The following PRKN variants were observed in gnomAD, a reference collection of about 807,000 sequenced individuals.
PRKN encodes parkin RBR E3 ubiquitin protein ligase, also known as E3 ubiquitin-protein ligase parkin.
A neutral mutation model predicts 59.5 loss-of-function variants in PRKN; 56 were observed. The observed-to-expected ratio is 0.94, with a 90% CI of 0.76 to 1.18. The LOEUF (loss-of-function observed/expected upper bound fraction) is 1.18, where lower values mean the gene tolerates loss of function less well. PRKN is among the 50% of genes most tolerant of loss of function. PRKN has a pLI of 0.00. For missense variants in PRKN, 657 were observed against 596.4 expected (o/e 1.10, Z -1.06); for synonymous variants, 250 against 222.1 (o/e 1.13, Z -1.12).
Position 161,581,041 on chromosome 6 carries a change from A to AACACACACACACACACACAC in PRKN, c.872-11645_872-11626dup, listed in dbSNP as rs71004055. On this transcript the variant is annotated intron_variant, in intron 7 of 11. Transcript: ENST00000366898. The surrounding 1 kb of genome is among the most constrained non-coding windows in gnomAD (Gnocchi z 4.5). The stretch of plus-strand genomic sequence containing the variant: ...ACACAGTGAAATCCTGTCTCTACTA[A>AACACACACACACACACACAC]ACACACACACACACACACACACACA... Among the ~76,000 whole-genome samples the AACACACACACACACACACAC allele has an allele frequency of 1.5e-4, 21 of 137,536 alleles. No homozygotes were observed. The highest frequency in any genetic ancestry group is 5.0e-4 in the African/African-American group (18 of 35,872). 90.2% of individuals were successfully genotyped at this position (137,536 alleles called of 152,430 possible).
intron 1 of PRKN, among the ~76,000 whole-genome samples, chr6:162,537,827 T>A (rs1428078172): frequency 6.6e-6 from 1 of 152,166 alleles, no homozygotes; most frequent in Non-Finnish European, 1.5e-5. Context: ...TATGTGTATG[T>A]GGGATGCTTT....
chr6:161,617,506 C>T (rs373237513), intron 7 of PRKN, among the ~76,000 whole-genome samples: 46 of 152,316 alleles, frequency 3.0e-4, no homozygotes, highest in African/African-American at 5.8e-4. Context: ...TTTCGCTATA[C>T]CTTTAAAACA....
At chr6:161,912,395 C>T (rs2128237269) in intron 6 of PRKN, among the ~76,000 whole-genome samples, 1 of 152,094 alleles carries the variant, frequency 6.6e-6, no homozygotes, top group African/African-American at 2.4e-5. Context: ...CCATTCTTGG[C>T]AAAAGGCATG....
intron 3 of PRKN, among the ~76,000 whole-genome samples, chr6:162,221,703 G>T (rs926760877): frequency 6.6e-6 from 1 of 152,198 alleles, no homozygotes; most frequent in African/African-American, 2.4e-5. Flanking sequence ...GAAGCTTACA[G>T]TAGAATACTA....
At chr6:161,652,313 A>G (rs1296398646) in intron 7 of PRKN, among the ~76,000 whole-genome samples, 1 of 152,146 alleles carries the variant, frequency 6.6e-6, no homozygotes, top group East Asian at 1.9e-4. Flanking sequence ...AATGCAAGTC[A>G]AGGTATGGCA....
intron 5 of PRKN, among the ~76,000 whole-genome samples, chr6:162,040,214 G>C (rs778842173): frequency 1.3e-5 from 2 of 152,064 alleles, no homozygotes; most frequent in Non-Finnish European, 2.9e-5. Flanking sequence ...GCACAGAAGC[G>C]GTAGGAAACC....
intron 4 of PRKN, among the ~76,000 whole-genome samples, chr6:162,141,895 G>T (rs1253812156): frequency 1.3e-5 from 2 of 152,112 alleles, no homozygotes; most frequent in African/African-American, 2.4e-5. Context: ...GATTATTTGT[G>T]TGTTATCTGT....
At chr6:162,497,305 T>C (rs571284749) in intron 1 of PRKN, among the ~76,000 whole-genome samples, 2 of 152,316 alleles carry the variant, frequency 1.3e-5, no homozygotes, top group South Asian at 4.1e-4. Context: ...AAAGAAATTA[T>C]TTTAAGTAAC....
chr6:162,427,370 T>C (rs569389756), intron 2 of PRKN, among the ~76,000 whole-genome samples: 96 of 152,306 alleles, frequency 6.3e-4, no homozygotes, highest in Non-Finnish European at 1.1e-3. Context: ...ATAAGAATGT[T>C]CAGTGCAGCA....
At position 161,444,013 on chromosome 6, in the gene PRKN, G is replaced by A. The variant is rs193166448; in HGVS notation, c.1084-57136C>T. Among the ~76,000 whole-genome samples the A allele has an allele frequency of 1.2e-4, 18 of 152,344 alleles. No individual in the cohort carries two copies. The East Asian group carries it at 3.1e-3, about 26-fold the overall frequency. On this transcript the variant is annotated intron_variant, in intron 9 of 11. Transcript: ENST00000366898. The surrounding 1 kb of genome is among the most constrained non-coding windows in gnomAD (Gnocchi z 5.6). ...ACATGAAATTCGATTCAGTGTGCAC[G>A]AACTAACTAGGAGGCGCCAGGCTTA...
rs960677988 is a variant in PRKN at position 161,578,138 on chromosome 6, A to C, written c.872-8722T>G. On this transcript the variant is annotated intron_variant, in intron 7 of 11. Coordinates refer to ENST00000366898, the MANE Select transcript of PRKN (RefSeq NM_004562.3). This position sits in a 1 kb window ranked among gnomAD's most constrained non-coding sequence, Gnocchi z 4.2. ...AGCAGAGAGCAACCAAAGAGGTATA[A>C]AAAAAGAAAAAGAGGAGGTGGCTTG... 2.6e-5 allele frequency among the ~76,000 whole-genome samples: 4 copies of C among 152,110 alleles called. No individual in the cohort carries two copies. Among genetic ancestry groups the C allele is most frequent in the Non-Finnish European group, 5.9e-5 (4 of 68,024 alleles).
rs1781458373 is a variant in PRKN at position 161,584,604 on chromosome 6, G to C, written c.872-15188C>G. On this transcript the variant is annotated intron_variant, in intron 7 of 11. Coordinates refer to ENST00000366898, the MANE Select transcript of PRKN (RefSeq NM_004562.3). This position sits in a 1 kb window ranked among gnomAD's most constrained non-coding sequence, Gnocchi z 4.8. ...AGGATTTCCTGGTTTTATTGTAAGA[G>C]AGTAGCTGTTGTCCCTCCAATAAAA... 6.6e-6 allele frequency among the ~76,000 whole-genome samples: 1 copy of C among 152,136 alleles called. No homozygotes were observed. Among genetic ancestry groups the C allele is most frequent in the Admixed American group, 6.6e-5 (1 of 15,266 alleles).
intron 5 of PRKN, among the ~76,000 whole-genome samples, chr6:162,038,215 C>A (rs1443815884): frequency 6.6e-6 from 1 of 151,840 alleles, no homozygotes; most frequent in African/African-American, 2.4e-5. Context: ...CAGTTTGGTA[C>A]AAAGTTATTG....
chr6:162,479,486 C>T (rs1792187783), intron 1 of PRKN, among the ~76,000 whole-genome samples: 1 of 152,150 alleles, frequency 6.6e-6, no homozygotes, highest in Admixed American at 6.5e-5. Flanking sequence ...ACCTAAGCCT[C>T]CCAAACTGCT....
At chr6:161,436,474 C>T (rs1378040057) in intron 9 of PRKN, among the ~76,000 whole-genome samples, 2 of 149,926 alleles carry the variant, frequency 1.3e-5, no homozygotes, top group Admixed American at 6.6e-5. Context: ...GGGGGGTGGG[C>T]GGAGAGTGCA....
chr6:161,364,322 G>A (rs1262932171), intron 10 of PRKN, among the ~76,000 whole-genome samples: 3 of 151,268 alleles, frequency 2.0e-5, no homozygotes, highest in Admixed American at 6.6e-5. Context: ...AGCTGGGCGC[G>A]GTGGTGGGTG....
intron 9 of PRKN, among the ~76,000 whole-genome samples, chr6:161,482,357 G>C (rs1428687705): frequency 1.3e-5 from 2 of 152,292 alleles, no homozygotes; most frequent in South Asian, 2.1e-4. Context: ...GTTAGGTTCT[G>C]TTAGGATCAA....
chr6:162,528,843 A>G lies in PRKN; in HGVS notation c.8-85370T>C, dbSNP rs73037980. Among the ~76,000 whole-genome samples, 722 of 152,126 alleles carry G rather than the reference A, an allele frequency of 4.7e-3. 4 individuals are homozygous for G. Among genetic ancestry groups the G allele is most frequent in the Middle Eastern group, 0.017 (5 of 294 alleles). ...AAAACAAAACAAAAACCTAGAAGAGAGTAACAGCACCATACTCAGCTTTCT... is the reference window on the plus strand; with the variant it reads ...AAAACAAAACAAAAACCTAGAAGAGGGTAACAGCACCATACTCAGCTTTCT... On this transcript the variant is annotated intron_variant, in intron 1 of 11. Coordinates refer to ENST00000366898, the MANE Select transcript of PRKN (RefSeq NM_004562.3).
chr6:162,478,955 C>G (rs1248228294), intron 1 of PRKN, among the ~76,000 whole-genome samples: 2 of 152,122 alleles, frequency 1.3e-5, no homozygotes, highest in Non-Finnish European at 2.9e-5. Context: ...ATGGGAAGAC[C>G]TAGGACATGA....
Sources: allele counts gnomAD v4.1 joint callset (sites outside exome capture counted in the v4.1 genomes callset), GRCh38; gene constraint gnomAD v4.1.1; non-coding constraint Gnocchi (gnomAD v3.1); transcripts MANE v1.5; gene names NCBI Gene and HGNC (gene_info 2026-07-23, HGNC 2026-07-21).